The following ARHGAP15 variants were observed in gnomAD, a reference collection of about 807,000 sequenced individuals.
ARHGAP15 encodes rho GTPase-activating protein 15.
A neutral mutation model predicts 63.7 loss-of-function variants in ARHGAP15; 51 were observed. The observed-to-expected ratio is 0.80, with a 90% CI of 0.64 to 1.01. ARHGAP15 has a LOEUF of 1.01. ARHGAP15 is among the 50% of genes least tolerant of loss of function. ARHGAP15 has a pLI of 0.00. For missense variants in ARHGAP15, 560 were observed against 564.6 expected (o/e 0.99, Z 0.08); for synonymous variants, 191 against 193.8 (o/e 0.99, Z 0.12).
chr2:143,608,540 A>G (rs1698129308), intron 11 of ARHGAP15: 1 of 152,216 alleles, frequency 6.6e-6, no homozygotes, highest in Admixed American at 6.5e-5. Context: ...AGATTCTGTC[A>G]AGTAGTCACA....
At chr2:143,485,979 C>T (rs1692306099) in intron 8 of ARHGAP15, among the ~76,000 whole-genome samples, 2 of 152,144 alleles carry the variant, frequency 1.3e-5, no homozygotes, top group South Asian at 4.1e-4. Context: ...CTGTCATTCT[C>T]AGTCTTGAAC....
chr2:143,634,498 A>G (rs1422761151), intron 12 of ARHGAP15, among the ~76,000 whole-genome samples: 1 of 152,178 alleles, frequency 6.6e-6, no homozygotes, highest in Non-Finnish European at 1.5e-5. Flanking sequence ...CCTGGCACAC[A>G]GTATCAAGTT....
chr2:143,435,992 C>T, intron 7 of ARHGAP15, among the ~76,000 whole-genome samples: 1 of 148,594 alleles, frequency 6.7e-6, no homozygotes, highest in Admixed American at 6.6e-5. Context: ...TTAATAACTA[C>T]TGATTTTTTT....
chr2:143,309,866 T>TTGTGTGTGTG (rs10562854), intron 6 of ARHGAP15, among the ~76,000 whole-genome samples: 187 of 149,108 alleles, frequency 1.3e-3, no homozygotes, highest in African/African-American at 4.5e-3. Flanking sequence ...ATATATGAAC[T>TTGTGTGTGTG]TGTGTGTGTG....
chr2:143,671,981 T>C (rs1682551499), intron 12 of ARHGAP15, among the ~76,000 whole-genome samples: 1 of 152,198 alleles, frequency 6.6e-6, no homozygotes, highest in Admixed American at 6.5e-5. Context: ...ATAGGAACTT[T>C]ACAGAAGGTT....
At position 143,723,983 on chromosome 2, in the gene ARHGAP15, G is replaced by A. The variant is rs541030069; in HGVS notation, c.1244+20459G>A. Among the ~76,000 whole-genome samples, 4 of 152,148 alleles carry A rather than the reference G, an allele frequency of 2.6e-5. No individual in the cohort carries two copies. In the South Asian group the frequency reaches 6.2e-4, roughly 24 times the overall value. On this transcript the variant is annotated intron_variant, in intron 13 of 13. Coordinates refer to ENST00000295095, the MANE Select transcript of ARHGAP15 (RefSeq NM_018460.4). ...GAGGTTCCACAGTGACTTCAGGCAC[G>A]TCACTTCACGTCTCAGCCACTGTTT...
chr2:143,231,318 A>G (rs900788383), intron 5 of ARHGAP15, among the ~76,000 whole-genome samples: 5 of 152,190 alleles, frequency 3.3e-5, no homozygotes, highest in African/African-American at 4.8e-5. Flanking sequence ...ATATTATTAC[A>G]TTAGTTTTGT....
chr2:143,657,841 G>C (rs561877346), intron 12 of ARHGAP15, among the ~76,000 whole-genome samples: 2 of 152,160 alleles, frequency 1.3e-5, no homozygotes, highest in South Asian at 2.1e-4. Context: ...TTGTGGCCTT[G>C]GGACATAATT....
chr2:143,525,791 A>C (rs376282403), intron 10 of ARHGAP15, among the ~76,000 whole-genome samples: 5 of 152,280 alleles, frequency 3.3e-5, no homozygotes, highest in African/African-American at 1.2e-4. Context: ...ATCAAAAAAG[A>C]ATAAACAGGA....
intron 6 of ARHGAP15, among the ~76,000 whole-genome samples, chr2:143,434,043 A>G (rs1689498057): frequency 6.6e-6 from 1 of 152,094 alleles, no homozygotes; most frequent in Admixed American, 6.6e-5. Context: ...TGTTCAGATA[A>G]TTAGGCAAAC....
At chr2:143,245,864 G>T (rs993518298) in intron 5 of ARHGAP15, among the ~76,000 whole-genome samples, 2 of 152,158 alleles carry the variant, frequency 1.3e-5, no homozygotes, top group Non-Finnish European at 2.9e-5. Flanking sequence ...GTACTGACAG[G>T]TCAGGTAATT....
chr2:143,368,959 C>T (rs1488214189), intron 6 of ARHGAP15, among the ~76,000 whole-genome samples: 1 of 151,970 alleles, frequency 6.6e-6, no homozygotes. Flanking sequence ...GTATAGTCAA[C>T]AGAGAAAATA....
At chr2:143,715,539 TTA>T (rs1684772500) in intron 13 of ARHGAP15, among the ~76,000 whole-genome samples, 1 of 152,242 alleles carries the variant, frequency 6.6e-6, no homozygotes, top group Non-Finnish European at 1.5e-5. Flanking sequence ...GCTCTTCTGA[TTA>T]TAAAAATAAT....
chr2:143,227,523 G>A (rs1365124577), intron 4 of ARHGAP15, among the ~76,000 whole-genome samples: 2 of 152,118 alleles, frequency 1.3e-5, no homozygotes, highest in African/African-American at 4.8e-5. Context: ...AGGAAGTCAT[G>A]GAAGGCACAT....
At chr2:143,413,292 G>A (rs796592480) in intron 6 of ARHGAP15, among the ~76,000 whole-genome samples, 33 of 152,202 alleles carry the variant, frequency 2.2e-4, no homozygotes, top group African/African-American at 7.5e-4. Flanking sequence ...ATTCAATACC[G>A]GGTTTCTGCC....
At chr2:143,678,728 A>T (rs753998878) in intron 12 of ARHGAP15, among the ~76,000 whole-genome samples, 16 of 152,196 alleles carry the variant, frequency 1.1e-4, no homozygotes, top group Admixed American at 3.9e-4. Flanking sequence ...TTTTGATAAG[A>T]TCATTTATGT....
chr2:143,142,949 T>C (rs1689430162), intron 1 of ARHGAP15, among the ~76,000 whole-genome samples: 1 of 152,150 alleles, frequency 6.6e-6, no homozygotes, highest in Admixed American at 6.6e-5. Context: ...CTCCCAACTA[T>C]TTAATACTCT....
intron 6 of ARHGAP15, among the ~76,000 whole-genome samples, chr2:143,385,099 T>C (rs554276116): frequency 6.6e-6 from 1 of 152,244 alleles, no homozygotes; most frequent in South Asian, 2.1e-4. Flanking sequence ...AATCTACCAA[T>C]CTTAGGTTTT....
chr2:143,561,509 CTTTTTCTTTTTTT>C (rs1265988520), intron 11 of ARHGAP15, among the ~76,000 whole-genome samples: 1 of 134,092 alleles, frequency 7.5e-6, no homozygotes, highest in Non-Finnish European at 1.6e-5. Flanking sequence ...TTTCTTTTTT[CTTTTTCTTTTTTT>C]TTTTTTTGAG....
Sources: allele counts gnomAD v4.1 joint callset (sites outside exome capture counted in the v4.1 genomes callset), GRCh38; gene constraint gnomAD v4.1.1; transcripts MANE v1.5; gene names NCBI Gene and HGNC (gene_info 2026-07-23, HGNC 2026-07-21).